Variants in ZMIZ1 observed in about 807,000 individuals in gnomAD.
ZMIZ1 encodes zinc finger MIZ domain-containing protein 1.
ZMIZ1 carries 17 observed loss-of-function variants against 113.9 expected under a neutral mutation model. The ratio of observed to expected loss-of-function variants is 0.15; its 90% CI spans 0.10 to 0.22. The LOEUF (loss-of-function observed/expected upper bound fraction) is 0.22, where lower values mean the gene tolerates loss of function less well. ZMIZ1 is among the 10% of genes least tolerant of loss of function. ZMIZ1 has a pLI of 1.00. For synonymous variants in ZMIZ1, 607 were observed against 603.1 expected, an observed-to-expected ratio of 1.01 and a Z score of -0.09; for missense variants, 1,059 against 1,477.8, an observed-to-expected ratio of 0.72 and a Z score of 4.65.
chr10:79,157,810 G>A (rs955924905), intron 3 of ZMIZ1, among the ~76,000 whole-genome samples: 3 of 152,138 alleles, frequency 2.0e-5, no homozygotes, highest in Admixed American at 1.3e-4. Context: ...GCACTGGCCC[G>A]CCAGGGGAGG....
intron 7 of ZMIZ1, among the ~76,000 whole-genome samples, chr10:79,264,024 G>A (rs750193344): frequency 7.2e-5 from 11 of 152,240 alleles, no homozygotes; most frequent in Non-Finnish European, 1.3e-4. Context: ...CTGAGAGCCA[G>A]CAACGGGCAG....
At chr10:79,280,954 C>T (rs11002907) in intron 8 of ZMIZ1, among the ~76,000 whole-genome samples, 10,214 of 152,220 alleles carry the variant, frequency 0.067, 704 homozygotes, top group East Asian at 0.19. Flanking sequence ...CTAACTCAGC[C>T]GTCCATCCCT....
chr10:79,073,256 C>T (rs1274958446), intron 1 of ZMIZ1, among the ~76,000 whole-genome samples: 1 of 152,208 alleles, frequency 6.6e-6, no homozygotes, highest in Non-Finnish European at 1.5e-5. Flanking sequence ...GAGAATGAGG[C>T]AGATGTGGGC....
intron 1 of ZMIZ1, among the ~76,000 whole-genome samples, chr10:79,116,338 C>T (rs1481913098): frequency 6.6e-6 from 1 of 152,064 alleles, no homozygotes; most frequent in East Asian, 1.9e-4. Flanking sequence ...AGAGCTTCTG[C>T]TTGGAGAACT....
chr10:79,191,049 T>A (rs73302118), intron 4 of ZMIZ1, among the ~76,000 whole-genome samples: 1 of 151,738 alleles, frequency 6.6e-6, no homozygotes, highest in Admixed American at 6.6e-5. Flanking sequence ...GCTGGGAGAG[T>A]GCAGTGATTG....
At chr10:79,301,477 T>C (rs1329854187) in intron 17 of ZMIZ1, among the ~76,000 whole-genome samples, 1 of 151,968 alleles carries the variant, frequency 6.6e-6, no homozygotes, top group Admixed American at 6.5e-5. Context: ...TCATGTCCCC[T>C]GAAGATCAGG....
chr10:79,231,186 C>T (rs1849380582), intron 7 of ZMIZ1, among the ~76,000 whole-genome samples: 1 of 152,264 alleles, frequency 6.6e-6, no homozygotes, highest in Non-Finnish European at 1.5e-5. Context: ...CACCTGAGGC[C>T]ATGCGTGACA....
chr10:79,134,126 G>A (rs1351197724), intron 2 of ZMIZ1, among the ~76,000 whole-genome samples: 3 of 152,332 alleles, frequency 2.0e-5, no homozygotes, highest in Middle Eastern at 6.8e-3. Flanking sequence ...AGGGGTCAAG[G>A]GAGGCCCACC....
intron 4 of ZMIZ1, among the ~76,000 whole-genome samples, chr10:79,198,706 C>T (rs908527930): frequency 2.6e-5 from 4 of 152,186 alleles, no homozygotes; most frequent in Non-Finnish European, 5.9e-5. Flanking sequence ...TGTGATGTGC[C>T]GATGTGAACG....
intron 4 of ZMIZ1, among the ~76,000 whole-genome samples, chr10:79,182,880 T>C (rs1463699513): frequency 6.6e-6 from 1 of 152,360 alleles, no homozygotes; most frequent in East Asian, 1.9e-4. Flanking sequence ...ATGTACACTG[T>C]TTTCCTCCTC....
At chr10:79,081,990 C>T (rs1365013421) in intron 1 of ZMIZ1, among the ~76,000 whole-genome samples, 1 of 152,262 alleles carries the variant, frequency 6.6e-6, no homozygotes, top group African/African-American at 2.4e-5. Flanking sequence ...CGACAAGTCC[C>T]TGGCAGAGCT....
chr10:79,279,500 G>T (rs1852559869), intron 8 of ZMIZ1, among the ~76,000 whole-genome samples: 1 of 152,082 alleles, frequency 6.6e-6, no homozygotes, highest in Admixed American at 6.5e-5. Context: ...GGGCAGAGGG[G>T]CTCCTCACAT....
At chr10:79,094,504 A>G (rs552142704) in intron 1 of ZMIZ1, among the ~76,000 whole-genome samples, 1 of 152,330 alleles carries the variant, frequency 6.6e-6, no homozygotes, top group African/African-American at 2.4e-5. Context: ...TGAAATGGGT[A>G]CTGCTTACTT....
At chr10:79,247,566 C>A (rs982353622) in intron 7 of ZMIZ1, among the ~76,000 whole-genome samples, 2 of 152,222 alleles carry the variant, frequency 1.3e-5, no homozygotes, top group African/African-American at 4.8e-5. Flanking sequence ...CTCCTTAGAG[C>A]CACCCTGGGG....
intron 5 of ZMIZ1, among the ~76,000 whole-genome samples, chr10:79,206,548 G>A (rs927612561): frequency 7.2e-5 from 11 of 152,224 alleles, no homozygotes; most frequent in African/African-American, 2.4e-4. Context: ...AGGACCCGCC[G>A]CTGCCCTCTC....
chr10:79,255,889 A>G (rs1044615014), intron 7 of ZMIZ1, among the ~76,000 whole-genome samples: 20 of 152,244 alleles, frequency 1.3e-4, no homozygotes, highest in Non-Finnish European at 2.8e-4. Context: ...TCTGGATGCA[A>G]TCACAGAGCC....
At chr10:79,112,538 A>G (rs966412211) in intron 1 of ZMIZ1, among the ~76,000 whole-genome samples, 3 of 152,166 alleles carry the variant, frequency 2.0e-5, no homozygotes, top group Non-Finnish European at 4.4e-5. Context: ...CTGCCCTGTA[A>G]TATCAGCATG....
intron 8 of ZMIZ1, among the ~76,000 whole-genome samples, chr10:79,283,261 G>A (rs1056102421): frequency 2.6e-5 from 4 of 152,200 alleles, no homozygotes; most frequent in Non-Finnish European, 5.9e-5. Context: ...AGCAGGTCGG[G>A]GAACAGGCCC....
At chr10:79,303,973 C>G in intron 18 of ZMIZ1, 42 bp from the exon 19 acceptor site, 1 of 1,611,836 alleles carries the variant, frequency 6.2e-7, no homozygotes, top group Non-Finnish European at 8.5e-7. Context: ...CTCTGCAGGA[C>G]TGTCTTGCCA....
Sources: gnomAD v4.1 joint callset for allele counts (sites outside exome capture counted in the v4.1 genomes callset) on GRCh38, gnomAD v4.1.1 for gene constraint, MANE v1.5 for transcripts, NCBI Gene and HGNC (gene_info 2026-07-23, HGNC 2026-07-21) for gene names.